The following APLP2 variants were observed in gnomAD, a reference collection of about 807,000 sequenced individuals.
APLP2 encodes the protein CDEI box-binding protein.
APLP2 carries 53 observed loss-of-function variants against 89.9 expected under a neutral mutation model. That is an observed-to-expected ratio of 0.59 (90% CI 0.47 to 0.74). APLP2 has a LOEUF of 0.74. APLP2 is among the 30% of genes least tolerant of loss of function. The pLI, the probability that APLP2 is intolerant of heterozygous loss-of-function variation, is 0.00. For missense variants in APLP2, 973 were observed against 975.9 expected (o/e 1.00, Z 0.04); for synonymous variants, 372 against 348.6 (o/e 1.07, Z -0.75).
intron 1 of APLP2, among the ~76,000 whole-genome samples, chr11:130,094,368 T>C (rs1945905960): frequency 6.6e-6 from 1 of 152,048 alleles, no homozygotes; most frequent in Non-Finnish European, 1.5e-5. Context: ...TTTGTATTTT[T>C]AGTAGAGATG....
At chr11:130,097,513 G>T (rs1946365762) in intron 1 of APLP2, among the ~76,000 whole-genome samples, 1 of 152,180 alleles carries the variant, frequency 6.6e-6, no homozygotes, top group African/African-American at 2.4e-5. Context: ...GGGCAATATA[G>T]TGGGACCCCG....
intron 1 of APLP2, among the ~76,000 whole-genome samples, chr11:130,079,404 CAT>C (rs1429454466): frequency 2.6e-5 from 4 of 152,124 alleles, no homozygotes; most frequent in East Asian, 1.9e-4. Context: ...CGGCCCATGA[CAT>C]GTGTTTTATT....
At chr11:130,134,901 C>T (rs982655078) in intron 12 of APLP2, among the ~76,000 whole-genome samples, 4 of 152,096 alleles carry the variant, frequency 2.6e-5, no homozygotes, top group African/African-American at 7.2e-5. Context: ...GAAGGAAATC[C>T]GGAGCTCTCT....
chr11:130,091,470 C>T (rs868390282), intron 1 of APLP2, among the ~76,000 whole-genome samples: 4,078 of 116,040 alleles, frequency 0.035, no homozygotes, highest in Admixed American at 0.05. Context: ...ACCTCCCAGA[C>T]GGGGCGGCTG....
intron 1 of APLP2, among the ~76,000 whole-genome samples, chr11:130,097,236 A>G (rs1386493697): frequency 6.6e-6 from 1 of 152,198 alleles, no homozygotes; most frequent in Non-Finnish European, 1.5e-5. Context: ...TGCACCTAAT[A>G]AAATGTTTAG....
chr11:130,126,086 T>C (rs1444481790), intron 7 of APLP2, among the ~76,000 whole-genome samples: 2 of 152,186 alleles, frequency 1.3e-5, no homozygotes, highest in Non-Finnish European at 2.9e-5. Flanking sequence ...TCCTTGTTGG[T>C]TCTGTCACTG....
intron 8 of APLP2, 34 bp from the exon 9 acceptor site, chr11:130,127,732 T>C (rs1219248392): frequency 8.2e-6 from 13 of 1,591,478 alleles, no homozygotes; most frequent in Non-Finnish European, 1.1e-5. Context: ...GGGGTATTAA[T>C]CACTGCTGAC....
At chr11:130,097,420 A>G (rs1024459643) in intron 1 of APLP2, among the ~76,000 whole-genome samples, 1 of 152,242 alleles carries the variant, frequency 6.6e-6, no homozygotes, top group African/African-American at 2.4e-5. Context: ...AGGACCAGGT[A>G]TGGCGACTCA....
At chr11:130,137,777 G>C (rs1951806040) in intron 13 of APLP2, among the ~76,000 whole-genome samples, 1 of 152,102 alleles carries the variant, frequency 6.6e-6, no homozygotes, top group South Asian at 2.1e-4. Context: ...CATGTCCCCT[G>C]AGTTGTATAT....
chr11:130,129,918 C>T, intron 10 of APLP2, 120 bp from the exon 11 acceptor site: 3 of 1,181,798 alleles, frequency 2.5e-6, no homozygotes, highest in Non-Finnish European at 3.6e-6. Flanking sequence ...CCAGTTACAG[C>T]TTTCATTCTT....
Position 130,129,077 on chromosome 11 carries a change from G to C in APLP2, c.1326G>C (p.Glu442Asp). The C allele has an allele frequency of 6.2e-7, 1 of 1,614,164 alleles. No homozygotes were observed. The highest frequency in any genetic ancestry group is 8.5e-7 in the Non-Finnish European group (1 of 1,180,000). Residue 442 changes from glutamate to aspartate, a missense_variant, in exon 10 of 17, where the codon GAG (glutamate) becomes GAC (aspartate). Transcript: ENST00000338167. ...TCCAAGCCATGGTTAAAGCTTTAGA[G>C]AAGGAAGCAGCCAGTGAGAAGCAGC... ...QHFQAMVKAL[E>D]KEAASEKQQL...
intron 10 of APLP2, 38 bp from the exon 11 acceptor site, chr11:130,130,000 T>C (rs771490966): frequency 6.2e-7 from 1 of 1,602,498 alleles, no homozygotes; most frequent in South Asian, 1.1e-5. Flanking sequence ...TTCAATTCTC[T>C]AGTCTCTGGA....
chr11:130,078,553 T>C (rs1942547976), intron 1 of APLP2, among the ~76,000 whole-genome samples: 1 of 152,214 alleles, frequency 6.6e-6, no homozygotes, highest in Non-Finnish European at 1.5e-5. Context: ...ACCCTGAGGA[T>C]ATAACGATAG....
intron 5 of APLP2, 133 bp from the exon 6 acceptor site, chr11:130,122,172 A>C (rs1443602215): frequency 3.7e-6 from 4 of 1,068,024 alleles, no homozygotes; most frequent in Non-Finnish European, 5.5e-6. Flanking sequence ...CCCAGGGCTT[A>C]GTGGCACGGT....
chr11:130,115,555 T>C (rs1949066172), intron 3 of APLP2, among the ~76,000 whole-genome samples: 2 of 152,232 alleles, frequency 1.3e-5, no homozygotes, highest in South Asian at 4.1e-4. Context: ...ATAGGTTAGG[T>C]TTTGCTATAT....
intron 14 of APLP2, 127 bp downstream of exon 14, chr11:130,140,610 G>C: frequency 8.5e-6 from 5 of 590,180 alleles, no homozygotes; most frequent in Non-Finnish European, 1.1e-5. Context: ...AAGGTTGGAG[G>C]GCTCCAACGG....
chr11:130,071,658 G>T (rs1015126435), intron 1 of APLP2, among the ~76,000 whole-genome samples: 6 of 152,206 alleles, frequency 3.9e-5, no homozygotes, highest in Non-Finnish European at 8.8e-5. Flanking sequence ...CAGTTTTAAA[G>T]AATTCGTTAA....
Position 130,082,718 on chromosome 11 carries a change from G to A in APLP2, c.105+12636G>A, listed in dbSNP as rs530777587. ...GGCACACGCCACTGCAGGTGTTGGT[G>A]CATTTGGGACAGCCTAGTTTTGTTA... is the stretch of plus-strand genomic sequence containing the variant. On this transcript the variant is annotated intron_variant, in intron 1 of 16. Coordinates refer to ENST00000338167, the MANE Select transcript of APLP2 (RefSeq NM_001142276.2). 19 of 218,248 alleles carry A rather than the reference G, an allele frequency of 8.7e-5. 2 individuals carry two copies. The highest frequency in any genetic ancestry group is 2.0e-3 in the Middle Eastern group (1 of 512). 13.5% of individuals were successfully genotyped at this position (218,248 alleles called of 1,614,324 possible).
At chr11:130,082,569 G>A (rs920737418) in intron 1 of APLP2, 4 of 155,630 alleles carry the variant, frequency 2.6e-5, no homozygotes, top group Admixed American at 6.4e-5. Context: ...AGGAAAGCAC[G>A]TTTGATCTGG....
Sources: allele counts gnomAD v4.1 joint callset (sites outside exome capture counted in the v4.1 genomes callset), GRCh38; gene constraint gnomAD v4.1.1; transcripts MANE v1.5; gene names NCBI Gene and HGNC (gene_info 2026-07-23, HGNC 2026-07-21).